The following ZCCHC7 variants were observed in gnomAD, a reference collection of about 807,000 sequenced individuals.
ZCCHC7 encodes zinc finger CCHC domain-containing protein 7.
In ZCCHC7, 35 loss-of-function variants were observed where a neutral mutation model predicts 52.0. That is an observed-to-expected ratio of 0.67 (90% CI 0.51 to 0.89). The LOEUF is 0.89. Among genes scored for constraint, ZCCHC7 ranks in the 40% least tolerant of loss-of-function variants. The probability of loss-of-function intolerance (pLI) is 0.00; values close to 1 mark genes in which losing one functional copy is unlikely to be tolerated. For synonymous variants in ZCCHC7, 217 were observed against 221.5 expected, an observed-to-expected ratio of 0.98 and a Z score of 0.18; for missense variants, 574 against 649.1, an observed-to-expected ratio of 0.88 and a Z score of 1.26.
chr9:37,129,380 T>C (rs1297350666), intron 2 of ZCCHC7, among the ~76,000 whole-genome samples: 3 of 152,254 alleles, frequency 2.0e-5, no homozygotes, highest in African/African-American at 7.2e-5. Flanking sequence ...TTGACTCTTA[T>C]AAACTCTTAC....
intron 4 of ZCCHC7, among the ~76,000 whole-genome samples, chr9:37,304,837 A>C (rs766057884): frequency 6.6e-5 from 10 of 152,198 alleles, no homozygotes; most frequent in African/African-American, 9.6e-5. Context: ...TGGGCAAATC[A>C]TTTAACCCTC....
chr9:37,225,217 C>A (rs910625290), intron 2 of ZCCHC7, among the ~76,000 whole-genome samples: 4 of 152,028 alleles, frequency 2.6e-5, no homozygotes, highest in Non-Finnish European at 5.9e-5. Context: ...AATTCAATAA[C>A]TTAGATGAAA....
rs554007585 is a variant in ZCCHC7, at chr9:37,319,013, T to C, written c.952-8786T>C. 4.6e-5 allele frequency among the ~76,000 whole-genome samples: 7 copies of C among 152,284 alleles called. 1 individual carries two copies. In the South Asian group the frequency reaches 1.4e-3, roughly 32 times the overall value. ...TTGTTATGTCAGGAATTATAGATGT[T>C]TTATCATTTTTTGCTTTTTATTTCT... On this transcript the variant is annotated intron_variant, in intron 5 of 8. Coordinates refer to ENST00000336755, the MANE Select transcript of ZCCHC7 (RefSeq NM_032226.3).
At chr9:37,290,345 G>T (rs1030774853) in intron 2 of ZCCHC7, among the ~76,000 whole-genome samples, 1 of 151,778 alleles carries the variant, frequency 6.6e-6, no homozygotes, top group Non-Finnish European at 1.5e-5. Context: ...TTTTTATTTT[G>T]AGTGTTTCTA....
At chr9:37,308,165 A>G (rs1321272508) in intron 5 of ZCCHC7, among the ~76,000 whole-genome samples, 2 of 152,228 alleles carry the variant, frequency 1.3e-5, no homozygotes, top group Admixed American at 6.5e-5. Context: ...TCAAGGCTAT[A>G]TAGATAGAAG....
intron 2 of ZCCHC7, among the ~76,000 whole-genome samples, chr9:37,229,124 C>T (rs368696816): frequency 3.3e-5 from 5 of 152,088 alleles, no homozygotes; most frequent in African/African-American, 4.8e-5. Context: ...TGTGAGCCAT[C>T]GCGCCCAGCA....
At chr9:37,315,329 C>T (rs1179148481) in intron 5 of ZCCHC7, among the ~76,000 whole-genome samples, 1 of 151,900 alleles carries the variant, frequency 6.6e-6, no homozygotes, top group Admixed American at 6.6e-5. Context: ...TGTATTGTTT[C>T]ATTTGTTTTA....
At chr9:37,208,610 G>A (rs1824046294) in intron 2 of ZCCHC7, among the ~76,000 whole-genome samples, 1 of 152,148 alleles carries the variant, frequency 6.6e-6, no homozygotes, top group Non-Finnish European at 1.5e-5. Context: ...CTGCTTTCTG[G>A]TACTTACATC....
At chr9:37,268,230 T>C (rs1827210207) in intron 2 of ZCCHC7, among the ~76,000 whole-genome samples, 1 of 152,150 alleles carries the variant, frequency 6.6e-6, no homozygotes, top group South Asian at 2.1e-4. Context: ...GTATCTCTAA[T>C]GTGCTCTCAA....
intron 1 of ZCCHC7, among the ~76,000 whole-genome samples, chr9:37,124,220 C>A (rs983256671): frequency 6.6e-6 from 1 of 152,048 alleles, no homozygotes; most frequent in East Asian, 1.9e-4. Flanking sequence ...ATTTTGGACA[C>A]ACACTTATTT....
At chr9:37,317,683 T>C (rs1282732883) in intron 5 of ZCCHC7, among the ~76,000 whole-genome samples, 1 of 152,130 alleles carries the variant, frequency 6.6e-6, no homozygotes, top group African/African-American at 2.4e-5. Flanking sequence ...GAAACTCACG[T>C]AGTATAACAT....
In ZCCHC7 at chr9:37,160,514, T is replaced by A. The variant is rs1005197662; in HGVS notation, c.610+33572T>A. 3.3e-4 allele frequency among the ~76,000 whole-genome samples: 50 copies of A among 152,078 alleles called. 1 individual carries two copies. The highest frequency in any genetic ancestry group is 1.3e-4 in the Non-Finnish European group (9 of 68,020). Reference sequence around the variant, plus strand: ...GCCTGGGCAACAGAGTGAGACCCTGTCTCAAAAATAATAATGTTGCAGCTA... The same window carrying A: ...GCCTGGGCAACAGAGTGAGACCCTGACTCAAAAATAATAATGTTGCAGCTA... On this transcript the variant is annotated intron_variant, in intron 2 of 8. Transcript: ENST00000336755.
At chr9:37,327,228 G>C (rs1307470093) in intron 5 of ZCCHC7, 2 of 152,016 alleles carry the variant, frequency 1.3e-5, no homozygotes, top group Non-Finnish European at 2.9e-5. Flanking sequence ...TACAGATGTG[G>C]ATATGGAAAG....
At chr9:37,347,558 T>C (rs1821069781) in intron 6 of ZCCHC7, among the ~76,000 whole-genome samples, 1 of 152,176 alleles carries the variant, frequency 6.6e-6, no homozygotes, top group South Asian at 2.1e-4. Context: ...ACTATCGCCA[T>C]GTTGAAGTAA....
intron 1 of ZCCHC7, chr9:37,121,454 C>T (rs1411897287): frequency 1.3e-5 from 2 of 152,180 alleles, no homozygotes; most frequent in Non-Finnish European, 2.9e-5. Flanking sequence ...CCCTCAGAAG[C>T]TCTTGACTTT....
chr9:37,304,935 T>C (rs1250957180), intron 4 of ZCCHC7, among the ~76,000 whole-genome samples: 2 of 152,168 alleles, frequency 1.3e-5, no homozygotes, highest in African/African-American at 4.8e-5. Flanking sequence ...TTGTACTTCA[T>C]AAGATAGCTT....
chr9:37,250,867 G>A (rs954040479), intron 2 of ZCCHC7, among the ~76,000 whole-genome samples: 1 of 152,196 alleles, frequency 6.6e-6, no homozygotes, highest in Admixed American at 6.5e-5. Flanking sequence ...TTTGTAAAGT[G>A]ATGGTTTTAT....
intron 2 of ZCCHC7, among the ~76,000 whole-genome samples, chr9:37,198,189 T>C (rs1823389885): frequency 6.6e-6 from 1 of 152,180 alleles, no homozygotes; most frequent in African/African-American, 2.4e-5. Flanking sequence ...TATTTCATCA[T>C]TCTGCAGAGC....
chr9:37,211,796 A>T (rs768574558), intron 2 of ZCCHC7, among the ~76,000 whole-genome samples: 32 of 152,146 alleles, frequency 2.1e-4, no homozygotes, highest in Non-Finnish European at 3.7e-4. Context: ...TGGGAGGCCA[A>T]TGTGGGCGGA....
Sources: allele counts gnomAD v4.1 joint callset (sites outside exome capture counted in the v4.1 genomes callset), GRCh38; gene constraint gnomAD v4.1.1; transcripts MANE v1.5; gene names NCBI Gene and HGNC (gene_info 2026-07-23, HGNC 2026-07-21).